Variants in MTRR observed in about 807,000 individuals in gnomAD.
MTRR encodes the protein methionine synthase reductase.
MTRR carries 63 observed loss-of-function variants against 79.2 expected under a neutral mutation model. That is an observed-to-expected ratio of 0.80 (90% CI 0.65 to 0.98). MTRR has a LOEUF of 0.98. Among genes scored for constraint, MTRR ranks in the 50% least tolerant of loss-of-function variants. The pLI is 0.00. For missense variants in MTRR, 895 were observed against 839.6 expected (o/e 1.07, Z -0.82); for synonymous variants, 355 against 313.3 (o/e 1.13, Z -1.41).
At position 7,885,821 on chromosome 5, in the gene MTRR, C is replaced by A; in HGVS notation, c.1024C>A (p.Leu342Ile). 6.2e-7 allele frequency: 1 copy of A among 1,614,082 alleles called. No homozygotes were observed. The highest frequency in any genetic ancestry group is 8.5e-7 in the Non-Finnish European group (1 of 1,180,014). The change falls in exon 7 of 15, where the codon CTT (leucine) becomes ATT (isoleucine). Residue 342 changes from leucine (L) to isoleucine (I), a missense_variant. Transcript: ENST00000440940. ...QLEDKREHCVLLKIKADTKKK... is the reference protein window; with the variant it reads ...QLEDKREHCVILKIKADTKKK... ...TGAAGATAAAAGAGAGCACTGCGTC[C>A]TTTTGAAAATAAAGGCAGACACAAA...
Position 7,878,071 on chromosome 5 carries a change from A to G in MTRR, c.529A>G (p.Thr177Ala), listed in dbSNP as rs773160237. The change falls in exon 5 of 15, where the codon ACA (threonine) becomes GCA (alanine). Residue 177 changes from threonine (T) to alanine (A), a missense_variant. Thr to Ala is a moderately conservative substitution (Grantham distance 58, BLOSUM62 0). Transcript: ENST00000440940. The stretch of plus-strand genomic sequence containing the variant: ...GGTGGCATCACCTGCATCCTCGAGG[A>G]CAGACCTTGTGAAGTCAGAGCTGCT... ...LPVASPASSR[T>A]DLVKSELLHI... 1 of 1,614,004 alleles carries G rather than the reference A, an allele frequency of 6.2e-7. No individual in the cohort carries two copies.
intron 1 of MTRR, among the ~76,000 whole-genome samples, chr5:7,857,515 G>C (rs1746283373): frequency 6.6e-6 from 1 of 152,212 alleles, no homozygotes; most frequent in Non-Finnish European, 1.5e-5. Context: ...TACACTGGGT[G>C]TTCCAGCCAT....
chr5:7,866,782 G>A (rs1227122866), upstream of MTRR: 22 of 1,613,992 alleles, frequency 1.4e-5, no homozygotes, highest in South Asian at 9.9e-5. Flanking sequence ...TGAATAGCAC[G>A]TTTTCCAGCT....
chr5:7,869,262 T>C (rs1305159596), intron 1 of MTRR, 47 bp downstream of exon 1: 8 of 1,595,024 alleles, frequency 5.0e-6, no homozygotes, highest in Non-Finnish European at 6.8e-6. Flanking sequence ...CCGCTCGCCC[T>C]GCACTAATCT....
At chr5:7,851,038 G>C (rs1311264206), upstream of MTRR, 19 of 1,239,690 alleles carry the variant, frequency 1.5e-5, no homozygotes, top group Non-Finnish European at 1.9e-5. Flanking sequence ...ACCGTCCAGC[G>C]CCCCCGCCTT....
chr5:7,894,114 C>T (rs1738107089), intron 11 of MTRR, among the ~76,000 whole-genome samples: 1 of 152,188 alleles, frequency 6.6e-6, no homozygotes, highest in Non-Finnish European at 1.5e-5. Context: ...CCCTCCCTCT[C>T]TTCGTCCTTC....
rs762577451 is a variant in MTRR, at chr5:7,862,876, C to T, written n.498+819C>T. ...TTTTGGAGCAAAATATAATCTTGCTCCTAAAAGGTTAGTCAGCCCAATCTT... is the reference window on the plus strand; with the variant it reads ...TTTTGGAGCAAAATATAATCTTGCTTCTAAAAGGTTAGTCAGCCCAATCTT... On this transcript the variant is annotated intron_variant and non_coding_transcript_variant, in intron 2 of 3. Transcript: ENST00000502509. 9 of 1,613,960 alleles carry T rather than the reference C, an allele frequency of 5.6e-6. No homozygotes were observed. The East Asian group carries it at 1.8e-4, about 32-fold the overall frequency.
At chr5:7,859,535 G>T in intron 1 of MTRR, 1 of 1,587,212 alleles carries the variant, frequency 6.3e-7, no homozygotes, top group Admixed American at 1.7e-5. Context: ...CTCATGATAG[G>T]GGATCTGTAA....
chr5:7,851,182 C>G, upstream of MTRR: 1 of 820,064 alleles, frequency 1.2e-6, no homozygotes, highest in East Asian at 3.4e-5. Context: ...CGGAGCTGCC[C>G]TGCAGCATTC....
intron 8 of MTRR, 88 bp from the exon 9 acceptor site, chr5:7,889,007 G>C (rs1737091269): frequency 6.7e-7 from 1 of 1,484,648 alleles, no homozygotes; most frequent in Non-Finnish European, 9.3e-7. Flanking sequence ...GGGTAATTGG[G>C]TGCATCCCTA....
chr5:7,896,152 T>A (rs561397557), intron 12 of MTRR, among the ~76,000 whole-genome samples: 1 of 152,222 alleles, frequency 6.6e-6, no homozygotes, highest in Non-Finnish European at 1.5e-5. Context: ...TGTGATGATA[T>A]ACAGCTGTTG....
Position 7,885,841 on chromosome 5 carries a change from C to T in MTRR, c.1044C>T (p.Asp348=). The T allele has an allele frequency of 6.2e-7, 1 of 1,613,984 alleles. No individual in the cohort carries two copies. The highest frequency in any genetic ancestry group is 1.7e-5 in the Admixed American group (1 of 60,004). Residue 348 remains aspartate, a synonymous_variant, in exon 7 of 15, where the codon GAC becomes GAT. Coordinates refer to ENST00000440940, the MANE Select transcript of MTRR (RefSeq NM_002454.3). ...GCGTCCTTTTGAAAATAAAGGCAGA[C>T]ACAAAGAAGAAAGGTAACAGCCCTG... ...EHCVLLKIKA[D]TKKKGATLPQ...
chr5:7,865,520 T>C (rs913152843), upstream of MTRR, among the ~76,000 whole-genome samples: 13 of 152,216 alleles, frequency 8.5e-5, no homozygotes, highest in African/African-American at 2.7e-4. Context: ...AAATATACTG[T>C]ACTTGCAAAT....
chr5:7,879,571 G>A (rs996174402), intron 5 of MTRR, among the ~76,000 whole-genome samples: 2 of 151,532 alleles, frequency 1.3e-5, no homozygotes, highest in Admixed American at 1.3e-4. Flanking sequence ...CAAATCTGAA[G>A]TACTTAAGAG....
In MTRR at chr5:7,900,410, T is replaced by A; in HGVS notation, c.*352T>A. 3.8e-6 allele frequency: 1 copy of A among 262,596 alleles called. No individual in the cohort carries two copies. Among genetic ancestry groups the A allele is most frequent in the Non-Finnish European group, 7.3e-6 (1 of 136,286 alleles). The allele number at this position is 262,596 out of a possible 1,614,324, so 16.3% of individuals were successfully genotyped here. ...CAAAGGCTTCCTGAAATAGGGAGACTGACTGAGTAGCTCATTCTTGTGACT... is the reference window on the plus strand; with the variant it reads ...CAAAGGCTTCCTGAAATAGGGAGACAGACTGAGTAGCTCATTCTTGTGACT... On this transcript the variant is annotated 3_prime_UTR_variant, in exon 15 of 15. Transcript: ENST00000440940.
At chr5:7,868,197 C>A (rs1012510415), upstream of MTRR, 11 of 217,960 alleles carry the variant, frequency 5.0e-5, no homozygotes, top group Admixed American at 2.0e-4. Context: ...AAACGAGTAT[C>A]TGGAAAAAAA....
At chr5:7,887,734 GTATA>G (rs72162827) in intron 8 of MTRR, among the ~76,000 whole-genome samples, 1 of 141,788 alleles carries the variant, frequency 7.1e-6, no homozygotes, top group Non-Finnish European at 1.5e-5. Flanking sequence ...CTGTATATGT[GTATA>G]TATATGTGTG....
intron 5 of MTRR, among the ~76,000 whole-genome samples, chr5:7,878,607 A>G (rs556286895): frequency 1.3e-3 from 192 of 152,356 alleles, no homozygotes; most frequent in African/African-American, 4.4e-3. Flanking sequence ...AAGTTTTCCC[A>G]CCCAGGTATT....
chr5:7,861,850 T>C, intron 1 of MTRR: 1 of 1,192,758 alleles, frequency 8.4e-7, no homozygotes, highest in South Asian at 2.4e-5. Flanking sequence ...AAGTCAGCCT[T>C]AAATTAAGAA....
Sources: gnomAD v4.1 joint callset for allele counts (sites outside exome capture counted in the v4.1 genomes callset) on GRCh38, gnomAD v4.1.1 for gene constraint, MANE v1.5 for transcripts, NCBI Gene and HGNC (gene_info 2026-07-23, HGNC 2026-07-21) for gene names.